Variants in HMGB3 observed in about 807,000 individuals in gnomAD.
The protein encoded by HMGB3 is high mobility group protein B3.
In HMGB3, 1 loss-of-function variant was observed where a neutral mutation model predicts 12.9. That is an observed-to-expected ratio of 0.08 (90% CI 0.03 to 0.37). HMGB3 has a LOEUF of 0.37. HMGB3 is among the 10% of genes least tolerant of loss of function. The pLI is 0.99. For synonymous variants in HMGB3, 61 were observed against 53.9 expected, an observed-to-expected ratio of 1.13 and a Z score of -0.57; for missense variants, 74 against 153.3, an observed-to-expected ratio of 0.48 and a Z score of 2.73.
In HMGB3 at chrX:150,988,172, G is replaced by A. The variant is rs1479601432; in HGVS notation, c.*258G>A. Reference sequence around the variant, plus strand: ...ATTTTTAAAATGAAAAGGCACTCTCGTGTTCTCCTCACTCTGTGCACTTTG... The same window carrying A: ...ATTTTTAAAATGAAAAGGCACTCTCATGTTCTCCTCACTCTGTGCACTTTG... On this transcript the variant is annotated 3_prime_UTR_variant, in exon 5 of 5. Transcript: ENST00000325307. 4 of 295,552 alleles carry A rather than the reference G, an allele frequency of 1.4e-5. No individual in the cohort carries two copies. Among genetic ancestry groups the A allele is most frequent in the Non-Finnish European group, 2.4e-5 (4 of 166,455 alleles). The allele number at this position is 295,552 out of a possible 1,213,427, so 24.4% of individuals were successfully genotyped here.
Position 150,985,614 on chromosome X carries a change from C to T in HMGB3, c.15C>T (p.Asp5=), listed in dbSNP as rs2048044231. The T allele has an allele frequency of 2.5e-6, 3 of 1,195,304 alleles. No individual in the cohort carries two copies. The highest frequency in any genetic ancestry group is 3.4e-6 in the Non-Finnish European group (3 of 889,487). Reference sequence around the variant, plus strand: ...TCACAGTCAGGATGGCTAAAGGTGACCCCAAGAAACCAAAGGGCAAGATGT... The same window carrying T: ...TCACAGTCAGGATGGCTAAAGGTGATCCCAAGAAACCAAAGGGCAAGATGT... MAKG[D]PKKPKGKMSA... Residue 5 remains aspartate, a synonymous_variant, in exon 2 of 5, where the codon GAC becomes GAT. Transcript: ENST00000325307.
intron 3 of HMGB3, among the ~76,000 whole-genome samples, 192 bp from the exon 4 acceptor site, chrX:150,986,936 G>A (rs373536009): frequency 1.2e-4 from 13 of 112,032 alleles, no homozygotes; most frequent in Admixed American, 6.6e-4. Flanking sequence ...CGTGAGCCGC[G>A]CACCACATAT....
chrX:150,986,620 G>A (rs1429419853), intron 3 of HMGB3, among the ~76,000 whole-genome samples: 2 of 109,944 alleles, frequency 1.8e-5, no homozygotes, highest in Non-Finnish European at 3.8e-5. Flanking sequence ...GTATATATAC[G>A]CATATATTTT....
rs1557425377 is a variant in HMGB3, at chrX:150,990,690, C to G, written c.*2776C>G. The G allele has an allele frequency of 9.0e-6, 1 of 111,403 alleles. No homozygotes were observed. Among genetic ancestry groups the G allele is most frequent in the African/African-American group, 3.3e-5 (1 of 30,609 alleles). The allele number at this position is 111,403 out of a possible 1,213,427, so 9.2% of individuals were successfully genotyped here. ...TATTGTCTGTGTCTCCTGTGTGTGTCTGTTCTTGTCACAAATGTATTTGGG... is the reference window on the plus strand; with the variant it reads ...TATTGTCTGTGTCTCCTGTGTGTGTGTGTTCTTGTCACAAATGTATTTGGG... On this transcript the variant is annotated 3_prime_UTR_variant, in exon 5 of 5. Coordinates refer to ENST00000325307, the MANE Select transcript of HMGB3 (RefSeq NM_005342.4).
Position 150,990,517 on chromosome X carries a change from A to C in HMGB3, c.*2603A>C, listed in dbSNP as rs2048101292. The C allele has an allele frequency of 9.2e-6, 1 of 108,346 alleles. No homozygotes were observed. Among genetic ancestry groups the C allele is most frequent in the Non-Finnish European group, 1.9e-5 (1 of 52,457 alleles). The allele number at this position is 108,346 out of a possible 1,213,427, so 8.9% of individuals were successfully genotyped here. On this transcript the variant is annotated 3_prime_UTR_variant, in exon 5 of 5. Transcript: ENST00000325307. ...TAGGCTTAGCTTGATTTCTGGGCCC[A>C]CTGTCTGTGTTCTTAAGATGCCAAC... is the stretch of plus-strand genomic sequence containing the variant.
upstream of HMGB3, among the ~76,000 whole-genome samples, chrX:150,982,532 A>G (rs1411982612): frequency 8.9e-6 from 1 of 112,509 alleles, no homozygotes; most frequent in East Asian, 2.8e-4. Context: ...TTGAACCGAG[A>G]CAGTGAAGAG....
chrX:150,988,602 C>A lies in HMGB3; in HGVS notation c.*688C>A, dbSNP rs950345267. On this transcript the variant is annotated 3_prime_UTR_variant, in exon 5 of 5. Transcript: ENST00000325307. ...AGTTTTTAAACTGTTTGTTTTTAAACAAACTATAGAACTCTTCATTGTCAG... is the reference window on the plus strand; with the variant it reads ...AGTTTTTAAACTGTTTGTTTTTAAAAAAACTATAGAACTCTTCATTGTCAG... 9.0e-6 allele frequency: 1 copy of A among 111,335 alleles called. No homozygotes were observed. Among genetic ancestry groups the A allele is most frequent in the South Asian group, 3.7e-4 (1 of 2,671 alleles). The allele number at this position is 111,335 out of a possible 1,213,427, so 9.2% of individuals were successfully genotyped here.
chrX:150,985,990 A>G (rs2048048475), intron 2 of HMGB3, 61 bp from the exon 3 acceptor site: 2 of 1,145,935 alleles, frequency 1.7e-6, no homozygotes, highest in African/African-American at 3.6e-5. Context: ...TTTAATCACA[A>G]GAAACTGAAT....
In HMGB3 at chrX:150,986,038, C is replaced by A; in HGVS notation, c.151-13C>A. On this transcript the variant is annotated splice_polypyrimidine_tract_variant and intron_variant, in intron 2 of 4. Transcript: ENST00000325307. ...ACTGCATCGAGGGATTTAACGAGTC[C>A]TGTTCTTTGCAGACGATGTCCGGGA... 8.3e-7 allele frequency: 1 copy of A among 1,204,291 alleles called. No homozygotes were observed. The highest frequency in any genetic ancestry group is 1.1e-6 in the Non-Finnish European group (1 of 892,516).
chrX:150,986,287 A>G, intron 3 of HMGB3, 97 bp downstream of exon 3: 1 of 723,254 alleles, frequency 1.4e-6, no homozygotes, highest in Non-Finnish European at 1.9e-6. Context: ...TCAAAATGAA[A>G]TATTTTTTAA....
intron 1 of HMGB3, 24 bp downstream of exon 1, chrX:150,983,400 CG>C (rs2124442722): frequency 3.6e-4 from 1 of 2,749 alleles, no homozygotes. Flanking sequence ...CGCCCGCTCC[CG>C]CCGCCGCCGC....
At chrX:150,984,724 C>A in intron 1 of HMGB3, 1 of 181,712 alleles carries the variant, frequency 5.5e-6, no homozygotes, top group Non-Finnish European at 8.7e-6. Flanking sequence ...CCGCCCGGGC[C>A]GCCGCTGCGG....
At chrX:150,982,437 A>G (rs782331962), upstream of HMGB3, among the ~76,000 whole-genome samples, 2 of 112,267 alleles carry the variant, frequency 1.8e-5, no homozygotes, top group East Asian at 5.6e-4. Context: ...GTCAAATCCC[A>G]TTCATTCATT....
rs1345589402 is a variant in HMGB3 at position 150,983,375 on chromosome X, A to G, written c.-7A>G. On this transcript the variant is annotated splice_region_variant and 5_prime_UTR_variant, in exon 1 of 5. Transcript: ENST00000325307. ...CGCTGCCCAGACTAGCGAACAATAC[A>G]GGTACGTCTCGCACCGCCCGCTCCC... 1 of 759,187 alleles carries G rather than the reference A, an allele frequency of 1.3e-6. No individual in the cohort carries two copies. Among genetic ancestry groups the G allele is most frequent in the Middle Eastern group, 7.4e-4 (1 of 1,345 alleles). The allele number at this position is 759,187 out of a possible 1,213,427, so 62.6% of individuals were successfully genotyped here. A position where few individuals can be genotyped will look rare whatever the true frequency, so the allele number is the denominator to read the frequency against.
chrX:150,986,400 C>T (rs2048052357), intron 3 of HMGB3, among the ~76,000 whole-genome samples: 1 of 110,067 alleles, frequency 9.1e-6, no homozygotes, highest in Non-Finnish European at 1.9e-5. Context: ...TGTTTGTGGG[C>T]TGTGCTTGCA....
intron 1 of HMGB3, among the ~76,000 whole-genome samples, chrX:150,984,129 C>T (rs2048021963): frequency 1.0e-5 from 1 of 97,776 alleles, no homozygotes; most frequent in Non-Finnish European, 2.1e-5. Flanking sequence ...GTCGGCGGGG[C>T]GCCCGGCGGG....
chrX:150,984,290 TCCGGCCCGGGCCCCCGAGCCCCCGG>T (rs2048025047), intron 1 of HMGB3, among the ~76,000 whole-genome samples: 1 of 74,200 alleles, frequency 1.3e-5, no homozygotes, highest in Non-Finnish European at 2.6e-5. Flanking sequence ...GGCGGGGAGG[TCCGGCCCGGGCCCCCGAGCCCCCGG>T]GCGGCCCGGG....
At chrX:150,985,956 G>C in intron 2 of HMGB3, 95 bp from the exon 3 acceptor site, 13 of 992,701 alleles carry the variant, frequency 1.3e-5, no homozygotes, top group Non-Finnish European at 1.8e-5. Flanking sequence ...ACCCCCTTTT[G>C]CAAGTGGTTC....
In HMGB3 at chrX:150,990,561, T is replaced by C. The variant is rs2048102287; in HGVS notation, c.*2647T>C. 9.1e-6 allele frequency: 1 copy of C among 110,039 alleles called. No individual in the cohort carries two copies. Among genetic ancestry groups the C allele is most frequent in the African/African-American group, 3.3e-5 (1 of 30,188 alleles). The allele number at this position is 110,039 out of a possible 1,213,427, so 9.1% of individuals were successfully genotyped here. A position where few individuals can be genotyped will look rare whatever the true frequency, so the allele number is the denominator to read the frequency against. ...TGCCAACCTGTTGCTTTTTTTTTTT[T>C]TTTCCCCCATTTAAAAGGATAGTAC... On this transcript the variant is annotated 3_prime_UTR_variant, in exon 5 of 5. Coordinates refer to ENST00000325307, the MANE Select transcript of HMGB3 (RefSeq NM_005342.4).
Sources: allele counts gnomAD v4.1 joint callset (sites outside exome capture counted in the v4.1 genomes callset), GRCh38; gene constraint gnomAD v4.1.1; transcripts MANE v1.5; gene names NCBI Gene and HGNC (gene_info 2026-07-23, HGNC 2026-07-21).